The following PIBF1 variants were observed in gnomAD, a reference collection of about 807,000 sequenced individuals.
PIBF1 encodes the protein progesterone immunomodulatory binding factor 1.
Under a neutral mutation model 112.5 loss-of-function variants are expected in PIBF1, and 90 were observed. The ratio of observed to expected loss-of-function variants is 0.80; its 90% confidence interval spans 0.67 to 0.95. The LOEUF (loss-of-function observed/expected upper bound fraction) is 0.95. Ranked by LOEUF, PIBF1 falls within the 40% of genes least tolerant of loss-of-function variation. The pLI, the probability that PIBF1 is intolerant of heterozygous loss-of-function variation, is 0.00. For missense variants in PIBF1, 915 were observed against 852.3 expected (o/e 1.07, Z -0.92); for synonymous variants, 301 against 288.6 (o/e 1.04, Z -0.44).
rs538045390 is a variant in PIBF1 at position 72,949,937 on chromosome 13, G to A, written c.1834-15337G>A. Among the ~76,000 whole-genome samples the A allele has an allele frequency of 5.9e-4, 90 of 152,242 alleles. 1 individual carries two copies. The highest frequency in any genetic ancestry group is 2.1e-3 in the African/African-American group (87 of 41,552). ...GTGAAAAAGTAAGAATGATTATAAAGGATACTAGAGAAATATGGAGTCATC... is the reference window on the plus strand; with the variant it reads ...GTGAAAAAGTAAGAATGATTATAAAAGATACTAGAGAAATATGGAGTCATC... On this transcript the variant is annotated intron_variant, in intron 14 of 17. Coordinates refer to ENST00000326291, the MANE Select transcript of PIBF1 (RefSeq NM_006346.4).
At chr13:72,826,046 A>AG (rs553325359) in intron 6 of PIBF1, among the ~76,000 whole-genome samples, 15,546 of 151,764 alleles carry the variant, frequency 0.1, 1,086 homozygotes, top group Non-Finnish European at 0.15. Context: ...CTCATAAAAA[A>AG]AAAAAAAAAT....
intron 10 of PIBF1, among the ~76,000 whole-genome samples, chr13:72,876,499 G>A (rs535543576): frequency 4.6e-5 from 7 of 152,172 alleles, no homozygotes; most frequent in Middle Eastern, 3.4e-3. Flanking sequence ...TTGGGATTAC[G>A]TTGAATCTAT....
At chr13:72,900,886 G>T (rs1477489075) in intron 11 of PIBF1, among the ~76,000 whole-genome samples, 2 of 152,228 alleles carry the variant, frequency 1.3e-5, no homozygotes, top group African/African-American at 4.8e-5. Context: ...GCCAGGTGTG[G>T]TGGTGCATGC....
intron 6 of PIBF1, among the ~76,000 whole-genome samples, chr13:72,822,480 G>A (rs1017307149): frequency 6.6e-6 from 1 of 152,040 alleles, no homozygotes; most frequent in Non-Finnish European, 1.5e-5. Context: ...CTACTTAGCT[G>A]TATGTCCCTC....
chr13:72,837,649 A>G (rs1454853070), intron 9 of PIBF1, among the ~76,000 whole-genome samples: 4 of 152,150 alleles, frequency 2.6e-5, no homozygotes, highest in African/African-American at 9.6e-5. Context: ...CATAACTGCT[A>G]TTCTGTTATG....
intron 9 of PIBF1, among the ~76,000 whole-genome samples, chr13:72,840,012 G>C (rs1405196165): frequency 6.6e-6 from 1 of 152,130 alleles, no homozygotes; most frequent in East Asian, 1.9e-4. Flanking sequence ...GTATACTGAG[G>C]CTAGAGTGGA....
chr13:72,912,443 T>C (rs1417645987), intron 12 of PIBF1, among the ~76,000 whole-genome samples: 4 of 152,080 alleles, frequency 2.6e-5, no homozygotes, highest in Admixed American at 2.0e-4. Flanking sequence ...TTACTAGTCA[T>C]GAGGGAAAAG....
At chr13:72,948,909 G>A (rs573869050) in intron 14 of PIBF1, among the ~76,000 whole-genome samples, 70 of 152,290 alleles carry the variant, frequency 4.6e-4, no homozygotes, top group African/African-American at 1.7e-3. Context: ...CTCCCACCAG[G>A]TTCTTCTGAT....
At chr13:72,890,539 T>C (rs948427259) in intron 10 of PIBF1, among the ~76,000 whole-genome samples, 6 of 152,126 alleles carry the variant, frequency 3.9e-5, no homozygotes, top group Non-Finnish European at 8.8e-5. Flanking sequence ...TAAGGACAAA[T>C]GGAGCCAAAT....
intron 5 of PIBF1, among the ~76,000 whole-genome samples, chr13:72,815,289 A>T (rs544130172): frequency 6.6e-6 from 1 of 152,382 alleles, no homozygotes; most frequent in East Asian, 1.9e-4. Flanking sequence ...TGCATCAGCA[A>T]ATTCATGGAG....
At chr13:72,810,460 A>T (rs182926232) in intron 5 of PIBF1, among the ~76,000 whole-genome samples, 2 of 152,348 alleles carry the variant, frequency 1.3e-5, no homozygotes, top group African/African-American at 4.8e-5. Context: ...TTAGAAACAT[A>T]GTTACATTCT....
At chr13:72,982,089 A>G (rs2043171122) in intron 16 of PIBF1, among the ~76,000 whole-genome samples, 1 of 152,222 alleles carries the variant, frequency 6.6e-6, no homozygotes, top group Non-Finnish European at 1.5e-5. Context: ...ACAGAACTCA[A>G]TGAATGTAGT....
At chr13:72,989,711 G>T (rs2043410466) in intron 16 of PIBF1, among the ~76,000 whole-genome samples, 1 of 152,178 alleles carries the variant, frequency 6.6e-6, no homozygotes, top group Non-Finnish European at 1.5e-5. Context: ...ATTGTTGCAT[G>T]TGTCTGTGAA....
intron 14 of PIBF1, among the ~76,000 whole-genome samples, chr13:72,945,917 A>G (rs1209764666): frequency 6.6e-6 from 1 of 152,208 alleles, no homozygotes; most frequent in African/African-American, 2.4e-5. Flanking sequence ...AATGCCAGTC[A>G]TAGCACTTTA....
intron 14 of PIBF1, among the ~76,000 whole-genome samples, chr13:72,940,461 AATTCT>A (rs1275872130): frequency 1.3e-5 from 2 of 152,066 alleles, no homozygotes; most frequent in Admixed American, 1.3e-4. Flanking sequence ...CTTGCCTACT[AATTCT>A]ATTATTTTGT....
At chr13:72,869,567 GTAAC>G (rs1457974190) in intron 10 of PIBF1, among the ~76,000 whole-genome samples, 2 of 151,496 alleles carry the variant, frequency 1.3e-5, no homozygotes, top group Non-Finnish European at 2.9e-5. Flanking sequence ...ATATACATGT[GTAAC>G]TAACCTGCAC....
chr13:72,827,134 G>C lies in PIBF1; in HGVS notation c.915+16G>C. On this transcript the variant is annotated intron_variant, in intron 7 of 17. Coordinates refer to ENST00000326291, the MANE Select transcript of PIBF1 (RefSeq NM_006346.4). ...ATCAAAAGAGGTAAGCTTATAATTA[G>C]AGTCACTTATATTATATAGCATAGT... is the stretch of plus-strand genomic sequence containing the variant. 8 of 1,336,806 alleles carry C rather than the reference G, an allele frequency of 6.0e-6. No individual in the cohort carries two copies. In the East Asian group the frequency reaches 1.9e-4, roughly 32 times the overall value. 82.8% of individuals were successfully genotyped at this position (1,336,806 alleles called of 1,614,324 possible).
chr13:72,892,947 A>G (rs533711320), intron 10 of PIBF1, among the ~76,000 whole-genome samples: 23 of 152,334 alleles, frequency 1.5e-4, no homozygotes, highest in African/African-American at 4.3e-4. Flanking sequence ...CCAGAAAACT[A>G]TAAGTTCTTT....
intron 10 of PIBF1, among the ~76,000 whole-genome samples, chr13:72,867,477 A>AT (rs1184513572): frequency 6.6e-6 from 1 of 152,186 alleles, no homozygotes; most frequent in Non-Finnish European, 1.5e-5. Context: ...TAGTTAGTTG[A>AT]TTTTTAAAGT....
Sources: allele counts gnomAD v4.1 joint callset (sites outside exome capture counted in the v4.1 genomes callset), GRCh38; gene constraint gnomAD v4.1.1; transcripts MANE v1.5; gene names NCBI Gene and HGNC (gene_info 2026-07-23, HGNC 2026-07-21).